PAN3: variants seen among roughly 807,000 people sequenced by gnomAD.
PAN3 encodes poly(A) specific ribonuclease subunit PAN3, also known as PAN2-PAN3 deadenylation complex subunit PAN3.
PAN3 carries 19 observed loss-of-function variants against 96.2 expected under a neutral mutation model. That is an observed-to-expected ratio of 0.20 (90% CI 0.14 to 0.29). The LOEUF (loss-of-function observed/expected upper bound fraction) is 0.29. Among genes scored for constraint, PAN3 ranks in the 10% least tolerant of loss-of-function variants. The pLI is 1.00. For missense variants in PAN3, 882 were observed against 1,108.1 expected (o/e 0.80, Z 2.90); for synonymous variants, 433 against 406.6 (o/e 1.06, Z -0.78).
Position 28,176,564 on chromosome 13 carries a change from G to T in PAN3, c.619+5G>T. 1 of 1,612,236 alleles carries T rather than the reference G, an allele frequency of 6.2e-7. No homozygotes were observed. The highest frequency in any genetic ancestry group is 8.5e-7 in the Non-Finnish European group (1 of 1,178,344). On this transcript the variant is annotated splice_donor_5th_base_variant and intron_variant, in intron 3 of 18. Coordinates refer to ENST00000380958, the MANE Select transcript of PAN3 (RefSeq NM_175854.8). ...CCAAGCCATATTCAGCCCATGGTAA[G>T]ACCTGATCCCTTTTGCTTATGTGTG...
chr13:28,206,238 A>C (rs1162316038), intron 5 of PAN3, among the ~76,000 whole-genome samples: 4 of 151,200 alleles, frequency 2.6e-5, no homozygotes, highest in African/African-American at 9.7e-5. Flanking sequence ...CCTTTTGTTC[A>C]TCCCTTAATT....
chr13:28,205,629 A>T (rs564659443), intron 5 of PAN3, among the ~76,000 whole-genome samples: 7 of 152,234 alleles, frequency 4.6e-5, no homozygotes. Context: ...ACTTGAGCCC[A>T]GGAGTTCGAG....
At chr13:28,226,415 G>A (rs1882006643) in intron 6 of PAN3, among the ~76,000 whole-genome samples, 1 of 151,958 alleles carries the variant, frequency 6.6e-6, no homozygotes, top group South Asian at 2.1e-4. Flanking sequence ...AATTAGTTTT[G>A]TACTTAATAT....
chr13:28,199,952 C>T (rs1052211896), intron 5 of PAN3, among the ~76,000 whole-genome samples: 1 of 152,034 alleles, frequency 6.6e-6, no homozygotes, highest in Admixed American at 6.6e-5. Context: ...TGTCTTGTGC[C>T]AGGCACTGTG....
chr13:28,258,218 C>T (rs1885383521), intron 7 of PAN3, among the ~76,000 whole-genome samples: 1 of 152,206 alleles, frequency 6.6e-6, no homozygotes, highest in African/African-American at 2.4e-5. Flanking sequence ...TATCACAAAA[C>T]TGCTTCCTAG....
At chr13:28,270,968 C>T (rs1199136456) in intron 13 of PAN3, 102 bp downstream of exon 13, 12 of 1,158,786 alleles carry the variant, frequency 1.0e-5, no homozygotes, top group South Asian at 5.2e-5. Context: ...TCATATATTC[C>T]ATCCAGAAGA....
At chr13:28,239,079 G>A (rs1450034034) in intron 6 of PAN3, among the ~76,000 whole-genome samples, 7 of 151,452 alleles carry the variant, frequency 4.6e-5, no homozygotes, top group East Asian at 3.9e-4. Context: ...TATGTATGGC[G>A]TTAAGCAGAG....
chr13:28,269,801 G>A (rs1160985748), intron 12 of PAN3, among the ~76,000 whole-genome samples: 2 of 151,948 alleles, frequency 1.3e-5, no homozygotes, highest in Non-Finnish European at 2.9e-5. Context: ...TTTTAATTTT[G>A]TATGTGCTGC....
intron 18 of PAN3, among the ~76,000 whole-genome samples, chr13:28,289,078 A>C (rs972287114): frequency 4.6e-5 from 7 of 152,010 alleles, no homozygotes; most frequent in Non-Finnish European, 7.4e-5. Flanking sequence ...CACCCGCCTC[A>C]GCCTCCCAAA....
intron 1 of PAN3, 98 bp downstream of exon 1, chr13:28,139,185 C>T: frequency 1.7e-6 from 2 of 1,207,270 alleles, no homozygotes; most frequent in South Asian, 3.8e-5. Context: ...GGCCCGCGGG[C>T]TCCCCCCCTC....
At chr13:28,193,672 G>A (rs1441639899) in intron 4 of PAN3, among the ~76,000 whole-genome samples, 2 of 150,346 alleles carry the variant, frequency 1.3e-5, no homozygotes, top group Non-Finnish European at 3.0e-5. Context: ...GAGCCTGGGA[G>A]GCAGAGATTG....
intron 18 of PAN3, among the ~76,000 whole-genome samples, chr13:28,289,003 T>A (rs1423468104): frequency 6.6e-6 from 1 of 151,886 alleles, no homozygotes; most frequent in African/African-American, 2.4e-5. Flanking sequence ...ATTTTTTGTA[T>A]TTTTAGTAGA....
chr13:28,171,876 G>A (rs2138087078), intron 1 of PAN3, among the ~76,000 whole-genome samples: 1 of 152,242 alleles, frequency 6.6e-6, no homozygotes, highest in Non-Finnish European at 1.5e-5. Context: ...TGGTCTTTCT[G>A]GTGAACGGCT....
chr13:28,139,514 T>TTGTGTGTG (rs10577740), intron 1 of PAN3, among the ~76,000 whole-genome samples: 4,910 of 93,032 alleles, frequency 0.053, 311 homozygotes, highest in East Asian at 0.11. Flanking sequence ...AGGGGTGTGT[T>TTGTGTGTG]TGTGTGTGTG....
intron 6 of PAN3, among the ~76,000 whole-genome samples, chr13:28,247,361 A>G (rs192509424): frequency 4.4e-4 from 67 of 151,970 alleles, no homozygotes; most frequent in Admixed American, 1.5e-3. Flanking sequence ...GATAGTGTGC[A>G]TATATATTCT....
At chr13:28,164,297 A>T (rs1311562220) in intron 1 of PAN3, among the ~76,000 whole-genome samples, 2 of 152,206 alleles carry the variant, frequency 1.3e-5, no homozygotes. Context: ...CATAATCTGC[A>T]TCTTATAAGC....
intron 5 of PAN3, chr13:28,215,277 A>C: frequency 1.4e-6 from 1 of 708,884 alleles, no homozygotes; most frequent in Non-Finnish European, 2.6e-6. Context: ...GGGTGTCTAC[A>C]AAATTGGTGG....
At chr13:28,267,550 C>T (rs1206780618) in intron 12 of PAN3, 149 bp downstream of exon 12, 2 of 680,862 alleles carry the variant, frequency 2.9e-6, no homozygotes, top group African/African-American at 3.6e-5. Flanking sequence ...TTTTCATGTT[C>T]CTGATAAAGA....
intron 17 of PAN3, among the ~76,000 whole-genome samples, chr13:28,286,392 A>G (rs1868973342): frequency 6.6e-6 from 1 of 152,192 alleles, no homozygotes; most frequent in Admixed American, 6.5e-5. Context: ...TTTTTGCCAG[A>G]CAGGTGGCAG....
Sources: gnomAD v4.1 joint callset for allele counts (sites outside exome capture counted in the v4.1 genomes callset) on GRCh38, gnomAD v4.1.1 for gene constraint, MANE v1.5 for transcripts, NCBI Gene and HGNC (gene_info 2026-07-23, HGNC 2026-07-21) for gene names.